The following NEK6 variants were observed in gnomAD, a reference collection of about 807,000 sequenced individuals.
NEK6 encodes the protein NIMA related kinase 6.
Under a neutral mutation model 43.5 loss-of-function variants are expected in NEK6, and 27 were observed. The observed-to-expected ratio is 0.62, with a 90% confidence interval of 0.46 to 0.86. The LOEUF (loss-of-function observed/expected upper bound fraction) is 0.86, where lower values mean the gene tolerates loss of function less well. Ranked by LOEUF, NEK6 falls within the 40% of genes least tolerant of loss-of-function variation. The probability of loss-of-function intolerance (pLI) is 0.00; values close to 1 mark genes in which losing one functional copy is unlikely to be tolerated. For synonymous variants in NEK6, 167 were observed against 164.1 expected (o/e 1.02, Z -0.14); for missense variants, 318 against 414.4 (o/e 0.77, Z 2.02).
intron 1 of NEK6, among the ~76,000 whole-genome samples, chr9:124,279,266 GT>G (rs1831787187): frequency 6.6e-6 from 1 of 150,986 alleles, no homozygotes; most frequent in Non-Finnish European, 1.5e-5. Flanking sequence ...CACCAGCCCA[GT>G]CCCTTTGCAG....
At chr9:124,316,259 G>A (rs552919241) in intron 4 of NEK6, among the ~76,000 whole-genome samples, 131 of 152,362 alleles carry the variant, frequency 8.6e-4, no homozygotes, top group South Asian at 2.5e-3. Flanking sequence ...GCTGCCAAGC[G>A]TGGGACAAGA....
At chr9:124,257,732 G>A (rs1830861793), upstream of NEK6, 2 of 1,529,662 alleles carry the variant, frequency 1.3e-6, no homozygotes, top group Non-Finnish European at 1.7e-6. Flanking sequence ...GTGAGTCTGG[G>A]CCTCAGTCTT....
intron 1 of NEK6, 33 bp downstream of exon 1, chr9:124,258,118 G>A: frequency 1.0e-6 from 1 of 978,922 alleles, no homozygotes; most frequent in South Asian, 4.7e-5. Context: ...CGGGCCGGTG[G>A]GGCCCCGCGG....
At chr9:124,270,748 G>A (rs1414565717) in intron 1 of NEK6, among the ~76,000 whole-genome samples, 1 of 152,248 alleles carries the variant, frequency 6.6e-6, no homozygotes, top group African/African-American at 2.4e-5. Flanking sequence ...GGAGCAGGCA[G>A]CTGAATACCC....
rs930365447 is a variant in NEK6, at chr9:124,339,790, C to T, written c.717+125C>T. Reference sequence around the variant, plus strand: ...GGAATGTCACGTCTGCCTGAGGCATCGGTACCACCAGGGCCCTGTCCTTCA... The same window carrying T: ...GGAATGTCACGTCTGCCTGAGGCATTGGTACCACCAGGGCCCTGTCCTTCA... On this transcript the variant is annotated intron_variant, in intron 8 of 9. Transcript: ENST00000320246. 7.9e-5 allele frequency: 57 copies of T among 718,406 alleles called. 1 individual carries two copies. Among genetic ancestry groups the T allele is most frequent in the East Asian group, 2.1e-4 (8 of 38,216 alleles). 44.5% of individuals were successfully genotyped at this position (718,406 alleles called of 1,614,324 possible).
chr9:124,276,354 G>A (rs1588446594), intron 1 of NEK6, among the ~76,000 whole-genome samples: 2 of 152,182 alleles, frequency 1.3e-5, no homozygotes, highest in Admixed American at 1.3e-4. Flanking sequence ...GTCAAGGAGG[G>A]CAATGTGCTT....
intron 8 of NEK6, among the ~76,000 whole-genome samples, chr9:124,340,556 G>A (rs1052239912): frequency 1.4e-4 from 22 of 152,214 alleles, no homozygotes; most frequent in Admixed American, 5.9e-4. Context: ...ATAAATGACA[G>A]ACAGGAAAGG....
intron 1 of NEK6, among the ~76,000 whole-genome samples, chr9:124,272,233 C>G (rs1303685540): frequency 1.3e-5 from 2 of 152,252 alleles, no homozygotes; most frequent in Non-Finnish European, 2.9e-5. Context: ...GGCAGGCTCT[C>G]AGTCCAGAGC....
chr9:124,290,340 G>A (rs77421770), intron 1 of NEK6, among the ~76,000 whole-genome samples: 22,335 of 152,268 alleles, frequency 0.15, 1,695 homozygotes, highest in Non-Finnish European at 0.17. Context: ...CTGGGAGTCC[G>A]GCCCCCAGGG....
chr9:124,329,395 C>A (rs1008068920), intron 7 of NEK6, among the ~76,000 whole-genome samples: 3 of 152,208 alleles, frequency 2.0e-5, no homozygotes, highest in African/African-American at 7.2e-5. Context: ...GGGTTAGGAT[C>A]GCATCATTAG....
intron 1 of NEK6, among the ~76,000 whole-genome samples, chr9:124,300,916 C>T (rs117074788): frequency 0.027 from 4,117 of 152,338 alleles, 69 homozygotes; most frequent in Admixed American, 0.043. Flanking sequence ...AGAGGTGCCC[C>T]TCGGGACATC....
At chr9:124,292,313 CAG>C (rs939070974) in intron 1 of NEK6, 4 of 1,405,190 alleles carry the variant, frequency 2.8e-6, no homozygotes, top group African/African-American at 1.4e-5. Context: ...TAGCCTGGGA[CAG>C]GGGTGGCTGC....
chr9:124,302,911 C>T (rs1244291893), intron 2 of NEK6, among the ~76,000 whole-genome samples: 2 of 152,262 alleles, frequency 1.3e-5, no homozygotes, highest in African/African-American at 2.4e-5. Flanking sequence ...AGGGGCCCCG[C>T]GTGCTCGCTG....
intron 1 of NEK6, among the ~76,000 whole-genome samples, chr9:124,278,144 C>G (rs189076344): frequency 6.6e-6 from 1 of 152,212 alleles, no homozygotes; most frequent in Non-Finnish European, 1.5e-5. Context: ...GACTGCAGTA[C>G]TCGGTACAGG....
intron 1 of NEK6, among the ~76,000 whole-genome samples, chr9:124,296,286 C>A (rs1458772006): frequency 6.6e-6 from 1 of 152,218 alleles, no homozygotes; most frequent in African/African-American, 2.4e-5. Context: ...GGGACGGCTT[C>A]CTGCTTTAGG....
intron 1 of NEK6, among the ~76,000 whole-genome samples, chr9:124,290,039 G>A (rs1165541777): frequency 6.6e-6 from 1 of 152,248 alleles, no homozygotes; most frequent in East Asian, 1.9e-4. Context: ...ACACAGGAAG[G>A]TGCAGGGGTT....
chr9:124,281,649 T>C (rs946664246), intron 1 of NEK6, among the ~76,000 whole-genome samples: 1 of 151,908 alleles, frequency 6.6e-6, no homozygotes, highest in African/African-American at 2.4e-5. Flanking sequence ...TACAGGTGCC[T>C]GCCACCACAC....
At chr9:124,295,544 C>T (rs917104952) in intron 1 of NEK6, among the ~76,000 whole-genome samples, 1 of 152,208 alleles carries the variant, frequency 6.6e-6, no homozygotes, top group Non-Finnish European at 1.5e-5. Flanking sequence ...GACTTGGTTT[C>T]GAGTGTCAGT....
Position 124,279,300 on chromosome 9 carries a change from CT to C in NEK6, c.-30+21234del, listed in dbSNP as rs1165676719. ...CAGCCTACTCCAGCCTTTCTCTTCC[CT>C]TTTTTTTTTTTTTTTTTTGAGACGG... On this transcript the variant is annotated intron_variant, in intron 1 of 9. Transcript: ENST00000320246. Among the ~76,000 whole-genome samples the C allele has an allele frequency of 2.2e-3, 300 of 138,166 alleles. 1 individual carries two copies. Among genetic ancestry groups the C allele is most frequent in the Admixed American group, 4.7e-3 (65 of 13,816 alleles). 90.6% of individuals were successfully genotyped at this position (138,166 alleles called of 152,430 possible).
Sources: gnomAD v4.1 joint callset for allele counts (sites outside exome capture counted in the v4.1 genomes callset) on GRCh38, gnomAD v4.1.1 for gene constraint, MANE v1.5 for transcripts, NCBI Gene and HGNC (gene_info 2026-07-23, HGNC 2026-07-21) for gene names.